The following CSNK1G1 variants were observed in gnomAD, a reference collection of about 807,000 sequenced individuals.
The protein encoded by CSNK1G1 is casein kinase 1 gamma 1.
Under a neutral mutation model 59.6 loss-of-function variants are expected in CSNK1G1, and 22 were observed. The observed-to-expected ratio is 0.37, with a 90% confidence interval of 0.26 to 0.53. CSNK1G1 has a LOEUF of 0.53. CSNK1G1 is among the 20% of genes least tolerant of loss of function. The pLI, the probability that CSNK1G1 is intolerant of heterozygous loss-of-function variation, is 0.89. For synonymous variants in CSNK1G1, 179 were observed against 177.1 expected, an observed-to-expected ratio of 1.01 and a Z score of -0.08; for missense variants, 384 against 519.5, an observed-to-expected ratio of 0.74 and a Z score of 2.54.
chr15:64,343,236 C>CACACACACACACACACACACACACAA (rs1555405238), intron 1 of CSNK1G1, among the ~76,000 whole-genome samples: 1 of 150,708 alleles, frequency 6.6e-6, no homozygotes, highest in Non-Finnish European at 1.5e-5. Flanking sequence ...CACACACACA[C>CACACACACACACACACACACACACAA]CTCTTCTAAA....
intron 2 of CSNK1G1, among the ~76,000 whole-genome samples, chr15:64,284,630 T>G (rs541662685): frequency 5.3e-4 from 80 of 152,112 alleles, no homozygotes; most frequent in Non-Finnish European, 1.0e-3. Flanking sequence ...TACTTTTGTG[T>G]AATACTGATT....
chr15:64,170,009 G>A lies in CSNK1G1; in HGVS notation c.*1922C>T, dbSNP rs979670876. Reference sequence around the variant, plus strand: ...AGACAGCCCTGCACCTCAAACCAGAGGTGAAGACTTCTATGGTCCACAAAC... The same window carrying A: ...AGACAGCCCTGCACCTCAAACCAGAAGTGAAGACTTCTATGGTCCACAAAC... On this transcript the variant is annotated 3_prime_UTR_variant, in exon 12 of 12. Transcript: ENST00000303052. 3 of 152,172 alleles carry A rather than the reference G, an allele frequency of 2.0e-5. No individual in the cohort carries two copies. Among genetic ancestry groups the A allele is most frequent in the Admixed American group, 6.5e-5 (1 of 15,282 alleles). The allele number at this position is 152,172 out of a possible 1,614,324, so 9.4% of individuals were successfully genotyped here.
chr15:64,242,674 T>A (rs935505744), intron 4 of CSNK1G1, among the ~76,000 whole-genome samples: 1 of 152,158 alleles, frequency 6.6e-6, no homozygotes, highest in Non-Finnish European at 1.5e-5. Flanking sequence ...ATAACTAATA[T>A]AAATTCTTCT....
At chr15:64,288,564 G>A (rs1894554503) in intron 2 of CSNK1G1, among the ~76,000 whole-genome samples, 2 of 151,620 alleles carry the variant, frequency 1.3e-5, no homozygotes, top group Admixed American at 6.6e-5. Flanking sequence ...ATATATATAT[G>A]TGTGTATGTG....
chr15:64,316,190 G>T (rs1008567502), intron 1 of CSNK1G1, among the ~76,000 whole-genome samples: 5 of 141,862 alleles, frequency 3.5e-5, no homozygotes, highest in Non-Finnish European at 7.6e-5. Context: ...CTGGCACTCA[G>T]TTTTGCTTTT....
At chr15:64,272,799 G>A (rs905726302) in intron 2 of CSNK1G1, among the ~76,000 whole-genome samples, 27 of 152,126 alleles carry the variant, frequency 1.8e-4, no homozygotes, top group Admixed American at 1.3e-3. Flanking sequence ...AGGCTGGAGT[G>A]CAGCGGTGCA....
At chr15:64,272,514 G>A (rs185904070) in intron 2 of CSNK1G1, among the ~76,000 whole-genome samples, 1 of 152,096 alleles carries the variant, frequency 6.6e-6, no homozygotes, top group African/African-American at 2.4e-5. Flanking sequence ...ACCACGCCCG[G>A]CCCCACTCTG....
chr15:64,196,876 T>A (rs1467836635), intron 10 of CSNK1G1, among the ~76,000 whole-genome samples: 1 of 151,972 alleles, frequency 6.6e-6, no homozygotes, highest in African/African-American at 2.4e-5. Flanking sequence ...AATGGCTCTT[T>A]GTGGAAACAA....
intron 2 of CSNK1G1, among the ~76,000 whole-genome samples, chr15:64,272,848 A>G (rs1393588264): frequency 4.6e-5 from 7 of 151,916 alleles, no homozygotes; most frequent in Non-Finnish European, 8.8e-5. Flanking sequence ...TAGGCTCAAG[A>G]AATCTTGGAA....
At chr15:64,352,447 C>CTTCTTTTTTTTTTTTTTTTTTTTTT (rs1566958699) in intron 1 of CSNK1G1, among the ~76,000 whole-genome samples, 22 of 89,410 alleles carry the variant, frequency 2.5e-4, no homozygotes, top group Non-Finnish European at 2.9e-4. Flanking sequence ...TTGAATTCTT[C>CTTCTTTTTTTTTTTTTTTTTTTTTT]TTTTTTTTTT....
At chr15:64,194,996 T>C (rs950101525) in intron 10 of CSNK1G1, 5 of 152,224 alleles carry the variant, frequency 3.3e-5, no homozygotes, top group Admixed American at 1.3e-4. Context: ...TATGGTTCTT[T>C]TGGAAGGATG....
chr15:64,181,161 C>T (rs878867405), intron 10 of CSNK1G1: 4 of 1,494,120 alleles, frequency 2.7e-6, no homozygotes, highest in South Asian at 1.3e-5. Flanking sequence ...TAAAAAAACA[C>T]TCTCCCTTGG....
intron 1 of CSNK1G1, among the ~76,000 whole-genome samples, chr15:64,354,686 G>A (rs1898541447): frequency 6.6e-6 from 1 of 152,032 alleles, no homozygotes; most frequent in Non-Finnish European, 1.5e-5. Context: ...GACTGTGTAT[G>A]ATTAATGGTA....
chr15:64,204,819 T>A, intron 8 of CSNK1G1, 46 bp downstream of exon 8: 1 of 1,331,352 alleles, frequency 7.5e-7, no homozygotes, highest in Non-Finnish European at 1.1e-6. Flanking sequence ...GGACTCTACC[T>A]AGTTTCAAAG....
intron 10 of CSNK1G1, among the ~76,000 whole-genome samples, chr15:64,189,690 G>A (rs2140225921): frequency 6.6e-6 from 1 of 152,242 alleles, no homozygotes; most frequent in African/African-American, 2.4e-5. Flanking sequence ...GTAATGGTTT[G>A]AGGGTCTATA....
chr15:64,333,768 A>C (rs1897241257), intron 1 of CSNK1G1, among the ~76,000 whole-genome samples: 1 of 152,232 alleles, frequency 6.6e-6, no homozygotes, highest in Non-Finnish European at 1.5e-5. Context: ...CTTACATCAG[A>C]TAAAACAGAC....
chr15:64,292,527 T>C (rs1894799323), intron 2 of CSNK1G1, among the ~76,000 whole-genome samples: 1 of 152,184 alleles, frequency 6.6e-6, no homozygotes, highest in African/African-American at 2.4e-5. Flanking sequence ...TCTCACTCTA[T>C]CCTACTTCAA....
At chr15:64,215,120 T>G (rs2082294169) in intron 5 of CSNK1G1, among the ~76,000 whole-genome samples, 2 of 152,030 alleles carry the variant, frequency 1.3e-5, no homozygotes, top group Non-Finnish European at 2.9e-5. Context: ...GTTTTTATGT[T>G]AAGTTAAATA....
At chr15:64,232,713 C>T (rs1238008928) in intron 4 of CSNK1G1, among the ~76,000 whole-genome samples, 1 of 152,166 alleles carries the variant, frequency 6.6e-6, no homozygotes. Context: ...TGAGACTTCC[C>T]TTGTCTTTGA....
Sources: gnomAD v4.1 joint callset for allele counts (sites outside exome capture counted in the v4.1 genomes callset) on GRCh38, gnomAD v4.1.1 for gene constraint, MANE v1.5 for transcripts, NCBI Gene and HGNC (gene_info 2026-07-23, HGNC 2026-07-21) for gene names.